The following DAB1 variants were observed in gnomAD, a reference collection of about 807,000 sequenced individuals.
The protein encoded by DAB1 is disabled homolog 1.
Under a neutral mutation model 64.6 loss-of-function variants are expected in DAB1, and 15 were observed. That is an observed-to-expected ratio of 0.23 (90% CI 0.16 to 0.36). The LOEUF (loss-of-function observed/expected upper bound fraction) is 0.36. Ranked by LOEUF, DAB1 falls within the 10% of genes least tolerant of loss-of-function variation. DAB1 has a pLI of 1.00. For synonymous variants in DAB1, 235 were observed against 251.9 expected (o/e 0.93, Z 0.64); for missense variants, 596 against 706.7 (o/e 0.84, Z 1.78).
chr1:57,614,973 C>T (rs1224375429), intron 7 of DAB1, among the ~76,000 whole-genome samples: 2 of 150,098 alleles, frequency 1.3e-5, no homozygotes, highest in Admixed American at 1.3e-4. Context: ...CGGGTTCACG[C>T]CATTCTCCTG....
At chr1:57,590,339 G>A (rs1480854489) in intron 7 of DAB1, among the ~76,000 whole-genome samples, 5 of 144,284 alleles carry the variant, frequency 3.5e-5, no homozygotes, top group Non-Finnish European at 7.4e-5. Context: ...TATTTATTTT[G>A]AGATGGAGTC....
chr1:58,372,724 C>CCCATG (rs1644277380), intron 3 of DAB1, among the ~76,000 whole-genome samples: 1 of 152,132 alleles, frequency 6.6e-6, no homozygotes, highest in Admixed American at 6.5e-5. Context: ...GGTGGTTTCC[C>CCCATG]CCATGCTGCT....
chr1:57,295,922 AT>A (rs1196309938), intron 1 of DAB1, among the ~76,000 whole-genome samples: 1 of 152,150 alleles, frequency 6.6e-6, no homozygotes, highest in Non-Finnish European at 1.5e-5. Context: ...TTAAATGGGC[AT>A]CATAAGCACA....
At chr1:57,350,663 G>A (rs531112179) in intron 1 of DAB1, among the ~76,000 whole-genome samples, 1 of 152,134 alleles carries the variant, frequency 6.6e-6, no homozygotes, top group East Asian at 1.9e-4. Context: ...GGGACAAAGA[G>A]CTTGAGAATG....
chr1:57,308,343 A>G (rs1014651881), intron 1 of DAB1, among the ~76,000 whole-genome samples: 1 of 152,204 alleles, frequency 6.6e-6, no homozygotes, highest in Non-Finnish European at 1.5e-5. Context: ...ATATGATCAG[A>G]AGAAGCATGA....
At chr1:57,350,678 A>G (rs1678516008) in intron 1 of DAB1, among the ~76,000 whole-genome samples, 1 of 152,174 alleles carries the variant, frequency 6.6e-6, no homozygotes, top group African/African-American at 2.4e-5. Context: ...AGAATGAAAG[A>G]GAAGTAAATG....
Position 57,802,161 on chromosome 1 carries a change from A to T in DAB1, n.551+81838T>A, listed in dbSNP as rs79744164. Among the ~76,000 whole-genome samples, 1,423 of 152,316 alleles carry T rather than the reference A, an allele frequency of 9.3e-3. 14 individuals carry two copies. The highest frequency in any genetic ancestry group is 0.033 in the African/African-American group (1,381 of 41,568). ...CATTTATTCGGTCACACCCATTCCT[A>T]AGAAAGACCCTCCAACTTTGAGAAC... On this transcript the variant is annotated intron_variant and non_coding_transcript_variant, in intron 6 of 20. Transcript: ENST00000485760.
chr1:58,083,036 A>G (rs1650094166), intron 5 of DAB1, among the ~76,000 whole-genome samples: 1 of 152,250 alleles, frequency 6.6e-6, no homozygotes. Context: ...GTATTCTTGA[A>G]TGTCAATAAA....
chr1:57,015,459 T>C (rs776024392), intron 11 of DAB1, 28 bp from the exon 12 acceptor site: 1 of 1,574,312 alleles, frequency 6.4e-7, no homozygotes, highest in Non-Finnish European at 8.6e-7. Flanking sequence ...GAGAGTCAGG[T>C]GTTTCCCTGG....
intron 3 of DAB1, among the ~76,000 whole-genome samples, chr1:58,467,446 A>C (rs1422744090): frequency 6.6e-6 from 1 of 152,244 alleles, no homozygotes; most frequent in Non-Finnish European, 1.5e-5. Flanking sequence ...GATTATTAAA[A>C]ACATAATAAA....
At chr1:57,847,430 G>A (rs76320543) in intron 1 of DAB1, among the ~76,000 whole-genome samples, 4,687 of 152,184 alleles carry the variant, frequency 0.031, 227 homozygotes, top group African/African-American at 0.11. Context: ...AATATAAATG[G>A]TTTAAGTTCT....
chr1:58,503,522 T>G (rs972932859), intron 3 of DAB1, among the ~76,000 whole-genome samples: 13 of 152,092 alleles, frequency 8.5e-5, no homozygotes, highest in Admixed American at 6.6e-4. Flanking sequence ...CTGTCAAAAT[T>G]TATATGTTGA....
At position 57,721,537 on chromosome 1, in the gene DAB1, G is replaced by T. The variant is rs72914404; in HGVS notation, n.552-71872C>A. 6.9e-3 allele frequency among the ~76,000 whole-genome samples: 1,058 copies of T among 152,288 alleles called. 12 individuals carry two copies. The highest frequency in any genetic ancestry group is 0.024 in the African/African-American group (1,009 of 41,564). On this transcript the variant is annotated intron_variant and non_coding_transcript_variant, in intron 6 of 20. Transcript: ENST00000485760. ...TTAATGTCTTCATCTTACAAATGAG[G>T]ATACTGAGCACAGAGAGGTTGTCAT...
At chr1:57,812,757 A>G (rs1168062417) in intron 6 of DAB1, among the ~76,000 whole-genome samples, 1 of 152,258 alleles carries the variant, frequency 6.6e-6, no homozygotes, top group Non-Finnish European at 1.5e-5. Context: ...CATAGATTCA[A>G]TCAGCAAAAG....
intron 3 of DAB1, among the ~76,000 whole-genome samples, chr1:58,372,067 C>T (rs1557742056): frequency 1.3e-5 from 2 of 152,160 alleles, no homozygotes; most frequent in African/African-American, 2.4e-5. Context: ...AAGAAGAAGG[C>T]CACTGTTCTC....
chr1:57,102,410 C>T (rs1323704034), intron 4 of DAB1, among the ~76,000 whole-genome samples: 1 of 152,218 alleles, frequency 6.6e-6, no homozygotes, highest in East Asian at 1.9e-4. Flanking sequence ...CTGAAAGAGG[C>T]TACACTACTG....
intron 4 of DAB1, among the ~76,000 whole-genome samples, chr1:58,275,610 T>C (rs969341203): frequency 6.6e-6 from 1 of 152,010 alleles, no homozygotes; most frequent in East Asian, 1.9e-4. Context: ...AAAACCACAG[T>C]GAGATAGCAA....
chr1:57,584,422 T>G (rs1645353252), intron 7 of DAB1, among the ~76,000 whole-genome samples: 2 of 152,206 alleles, frequency 1.3e-5, no homozygotes, highest in South Asian at 2.1e-4. Context: ...GTACAGTGTC[T>G]GCTAAGATGC....
intron 4 of DAB1, among the ~76,000 whole-genome samples, chr1:58,322,280 A>C (rs915046136): frequency 6.6e-6 from 1 of 152,228 alleles, no homozygotes; most frequent in African/African-American, 2.4e-5. Flanking sequence ...TAGCAAAAGA[A>C]ACTACTATCA....
Sources: allele counts gnomAD v4.1 joint callset (sites outside exome capture counted in the v4.1 genomes callset), GRCh38; gene constraint gnomAD v4.1.1; transcripts MANE v1.5; gene names NCBI Gene and HGNC (gene_info 2026-07-23, HGNC 2026-07-21).